ZMIZ1: variants seen among roughly 807,000 people sequenced by gnomAD.
The protein encoded by ZMIZ1 is zinc finger MIZ domain-containing protein 1.
Under a neutral mutation model 113.9 loss-of-function variants are expected in ZMIZ1, and 17 were observed. That is an observed-to-expected ratio of 0.15 (90% CI 0.10 to 0.22). The LOEUF (loss-of-function observed/expected upper bound fraction) is 0.22. ZMIZ1 is among the 10% of genes least tolerant of loss of function. ZMIZ1 has a pLI of 1.00. For synonymous variants in ZMIZ1, 607 were observed against 603.1 expected (o/e 1.01, Z -0.09); for missense variants, 1,059 against 1,477.8 (o/e 0.72, Z 4.65).
chr10:79,143,155 G>T (rs773871381), intron 3 of ZMIZ1, among the ~76,000 whole-genome samples: 52 of 152,258 alleles, frequency 3.4e-4, no homozygotes, highest in Admixed American at 5.2e-4. Context: ...GAACAAGTGT[G>T]CTCCTGACCT....
Position 79,216,264 on chromosome 10 carries a change from G to C in ZMIZ1, c.270G>C (p.Pro90=). The C allele has an allele frequency of 6.3e-7, 1 of 1,590,300 alleles. No homozygotes were observed. Among genetic ancestry groups the C allele is most frequent in the Non-Finnish European group, 8.6e-7 (1 of 1,168,350 alleles). The part of the protein sequence containing the change: ...VCAANRDKFT[P]KSAALLSSWC... Reference sequence around the variant, plus strand: ...CTGCAAACCGAGACAAGTTCACCCCGAAGTCTGCCGGTAGGTGTCCGTGGG... The same window carrying C: ...CTGCAAACCGAGACAAGTTCACCCCCAAGTCTGCCGGTAGGTGTCCGTGGG... The change falls in exon 7 of 25, where the codon CCG becomes CCC. Residue 90 remains proline, a synonymous_variant. Coordinates refer to ENST00000334512, the MANE Select transcript of ZMIZ1 (RefSeq NM_020338.4).
At chr10:79,078,570 CTTTTT>C (rs34178865) in intron 1 of ZMIZ1, among the ~76,000 whole-genome samples, 22 of 87,798 alleles carry the variant, frequency 2.5e-4, no homozygotes, top group South Asian at 1.4e-3. Context: ...CCACCCCCGA[CTTTTT>C]TTTTTTTTTT....
chr10:79,197,650 C>T (rs4980045), intron 4 of ZMIZ1, among the ~76,000 whole-genome samples: 13,464 of 143,052 alleles, frequency 0.094, 693 homozygotes, highest in South Asian at 0.21. Context: ...ACACCTGTAC[C>T]CTGTCCCCTC....
Position 79,069,983 on chromosome 10 carries a change from G to C in ZMIZ1, c.-337+713G>C, listed in dbSNP as rs1164314592. On this transcript the variant is annotated intron_variant, in intron 1 of 24. Transcript: ENST00000334512. This position sits in a 1 kb window ranked among gnomAD's most constrained non-coding sequence, Gnocchi z 4.6. Reference sequence around the variant, plus strand: ...GGACGGGGCTGCCCCGGCCAGGAGGGGAGCCCAGGGGGAAGATGTGCGTGT... The same window carrying C: ...GGACGGGGCTGCCCCGGCCAGGAGGCGAGCCCAGGGGGAAGATGTGCGTGT... Among the ~76,000 whole-genome samples the C allele has an allele frequency of 2.0e-5, 3 of 151,152 alleles. No individual in the cohort carries two copies. The highest frequency in any genetic ancestry group is 4.4e-5 in the Non-Finnish European group (3 of 67,712).
chr10:79,239,328 GCTCTACA>G (rs58056018), intron 7 of ZMIZ1, among the ~76,000 whole-genome samples: 17,565 of 152,182 alleles, frequency 0.12, 1,432 homozygotes, highest in African/African-American at 0.23. Flanking sequence ...CCCACTCTAT[GCTCTACA>G]CTCCCACGTG....
chr10:79,304,776 A>G (rs1564603509), intron 19 of ZMIZ1, among the ~76,000 whole-genome samples: 1 of 152,176 alleles, frequency 6.6e-6, no homozygotes, highest in Non-Finnish European at 1.5e-5. Flanking sequence ...CACTTTATCT[A>G]TCTGATACAG....
intron 6 of ZMIZ1, among the ~76,000 whole-genome samples, chr10:79,212,137 C>A (rs142576222): frequency 1.3e-5 from 2 of 151,768 alleles, no homozygotes; most frequent in Non-Finnish European, 2.9e-5. Flanking sequence ...GCAAGTCACC[C>A]GTCTTCTTCT....
intron 3 of ZMIZ1, among the ~76,000 whole-genome samples, chr10:79,150,300 G>A (rs1211499205): frequency 6.6e-6 from 1 of 152,192 alleles, no homozygotes; most frequent in East Asian, 1.9e-4. Context: ...TTTCCCATGA[G>A]AGCTGCTGCC....
Position 79,069,387 on chromosome 10 carries a change from C to T in ZMIZ1, c.-337+117C>T, listed in dbSNP as rs1348466751. On this transcript the variant is annotated intron_variant, in intron 1 of 24. Coordinates refer to ENST00000334512, the MANE Select transcript of ZMIZ1 (RefSeq NM_020338.4). The surrounding 1 kb of genome is among the most constrained non-coding windows in gnomAD (Gnocchi z 4.6). Reference sequence around the variant, plus strand: ...GCTGGGGTTTTTCCCTTAAAGTGTCCCCCGGAGCGGGGCGACCGGCCGGCG... The same window carrying T: ...GCTGGGGTTTTTCCCTTAAAGTGTCTCCCGGAGCGGGGCGACCGGCCGGCG... 2.7e-5 allele frequency: 4 copies of T among 150,152 alleles called. No individual in the cohort carries two copies. The highest frequency in any genetic ancestry group is 4.5e-5 in the Non-Finnish European group (3 of 67,336). 9.3% of individuals were successfully genotyped at this position (150,152 alleles called of 1,614,324 possible).
At chr10:79,097,353 T>G (rs1444561100) in intron 1 of ZMIZ1, among the ~76,000 whole-genome samples, 2 of 152,208 alleles carry the variant, frequency 1.3e-5, no homozygotes, top group Non-Finnish European at 2.9e-5. Flanking sequence ...ACCTGCTATT[T>G]CAGTGACCAT....
At chr10:79,270,554 C>T (rs1851885744) in intron 7 of ZMIZ1, among the ~76,000 whole-genome samples, 1 of 152,204 alleles carries the variant, frequency 6.6e-6, no homozygotes, top group African/African-American at 2.4e-5. Context: ...TATGGCACAG[C>T]GCCACTGGAG....
chr10:79,210,059 C>G (rs1298613782), intron 6 of ZMIZ1, among the ~76,000 whole-genome samples: 1 of 152,258 alleles, frequency 6.6e-6, no homozygotes, highest in African/African-American at 2.4e-5. Context: ...CCCTCCGCCC[C>G]CCCAGCCCCC....
chr10:79,313,041 G>T lies in ZMIZ1; in HGVS notation c.*292G>T, dbSNP rs375407812. The T allele has an allele frequency of 1.4e-5, 6 of 436,838 alleles. No homozygotes were observed. The highest frequency in any genetic ancestry group is 2.1e-5 in the Non-Finnish European group (5 of 241,288). 27.1% of individuals were successfully genotyped at this position (436,838 alleles called of 1,614,324 possible). On this transcript the variant is annotated 3_prime_UTR_variant, in exon 25 of 25. Coordinates refer to ENST00000334512, the MANE Select transcript of ZMIZ1 (RefSeq NM_020338.4). ...CCACCCTCCCGAGAGGAACCAGCCC[G>T]GTAAGAGGGCACACGCTGATGCGGC...
chr10:79,202,725 C>T (rs1848154574), intron 5 of ZMIZ1, among the ~76,000 whole-genome samples: 1 of 152,240 alleles, frequency 6.6e-6, no homozygotes, highest in Admixed American at 6.5e-5. Context: ...GAGTGACGTG[C>T]CCACCTGCTG....
At chr10:79,279,992 C>CCT (rs1852611747) in intron 8 of ZMIZ1, among the ~76,000 whole-genome samples, 1 of 139,378 alleles carries the variant, frequency 7.2e-6, no homozygotes, top group African/African-American at 2.7e-5. Context: ...ATTATTATTA[C>CCT]TTTTTTTTTT....
intron 8 of ZMIZ1, among the ~76,000 whole-genome samples, chr10:79,283,835 A>G (rs951061689): frequency 6.6e-6 from 1 of 152,174 alleles, no homozygotes; most frequent in Non-Finnish European, 1.5e-5. Context: ...GGCCCCAGTA[A>G]TTGTGATGAT....
At chr10:79,114,463 ATG>A (rs1167686090) in intron 1 of ZMIZ1, among the ~76,000 whole-genome samples, 23 of 104,046 alleles carry the variant, frequency 2.2e-4, no homozygotes, top group African/African-American at 5.3e-4. Flanking sequence ...CTGGGTGTGT[ATG>A]TGTGTGTGTG....
At chr10:79,202,234 G>A (rs1848128933) in intron 5 of ZMIZ1, among the ~76,000 whole-genome samples, 1 of 142,252 alleles carries the variant, frequency 7.0e-6, no homozygotes, top group Non-Finnish European at 1.5e-5. Flanking sequence ...AAAGAAGGAA[G>A]GAAGGAGGGA....
intron 2 of ZMIZ1, among the ~76,000 whole-genome samples, chr10:79,137,817 G>A (rs1210474994): frequency 4.9e-5 from 7 of 143,394 alleles, no homozygotes; most frequent in Non-Finnish European, 7.4e-5. Flanking sequence ...GAGAGGACGG[G>A]CCCTCGGCTG....
Sources: allele counts gnomAD v4.1 joint callset (sites outside exome capture counted in the v4.1 genomes callset), GRCh38; gene constraint gnomAD v4.1.1; non-coding constraint Gnocchi (gnomAD v3.1); transcripts MANE v1.5; gene names NCBI Gene and HGNC (gene_info 2026-07-23, HGNC 2026-07-21).